The following NPC1 variants were observed in gnomAD, a reference collection of about 807,000 sequenced individuals.
NPC1 encodes the protein Niemann-Pick C1 protein.
A neutral mutation model predicts 140.4 loss-of-function variants in NPC1; 85 were observed. The observed-to-expected ratio is 0.61, with a 90% CI of 0.51 to 0.72. The LOEUF is 0.72. Ranked by LOEUF, NPC1 falls within the 30% of genes least tolerant of loss-of-function variation. The pLI, the probability that NPC1 is intolerant of heterozygous loss-of-function variation, is 0.00. For synonymous variants in NPC1, 656 were observed against 624.8 expected (o/e 1.05, Z -0.74); for missense variants, 1,504 against 1,623.8 (o/e 0.93, Z 1.27).
intron 3 of NPC1, among the ~76,000 whole-genome samples, chr18:23,512,418 T>G (rs949497786): frequency 1.3e-5 from 2 of 152,034 alleles, no homozygotes; most frequent in African/African-American, 2.4e-5. Context: ...CTCTTAAAAT[T>G]TTTTTATTTT....
Position 23,573,510 on chromosome 18 carries a change from T to C in NPC1, c.122A>G (p.Asn41Ser), listed in dbSNP as rs746658170. ...CGIAYGDKRY[N>S]CEYSGPPKPL... Reference sequence around the variant, plus strand: ...TTTTGGTGGGCCAGAATATTCGCAATTGTACCTCTTGTCCCCATATGCAAT... The same window carrying C: ...TTTTGGTGGGCCAGAATATTCGCAACTGTACCTCTTGTCCCCATATGCAAT... Residue 41 changes from asparagine to serine, a missense_variant, in exon 2 of 25, where the codon AAT becomes AGT. Physicochemically the swap from Asn to Ser is conservative, Grantham distance 46. Transcript: ENST00000269228. The C allele has an allele frequency of 6.2e-7, 1 of 1,614,190 alleles. No homozygotes were observed. The highest frequency in any genetic ancestry group is 8.5e-7 in the Non-Finnish European group (1 of 1,180,026).
At chr18:23,542,122 G>C (rs1325934075) in intron 14 of NPC1, among the ~76,000 whole-genome samples, 2 of 152,150 alleles carry the variant, frequency 1.3e-5, no homozygotes, top group African/African-American at 4.8e-5. Flanking sequence ...GACACGTGCA[G>C]TTGGGGTGCC....
In NPC1 at chr18:23,516,103, C is replaced by G; in HGVS notation, c.432-9461G>C. The G allele has an allele frequency of 2.6e-6, 4 of 1,519,796 alleles. No homozygotes were observed. In the South Asian group the frequency reaches 4.7e-5, roughly 18 times the overall value. The allele number at this position is 1,519,796 out of a possible 1,614,324, so 94.1% of individuals were successfully genotyped here. A position where few individuals can be genotyped will look rare whatever the true frequency, so the allele number is the denominator to read the frequency against. ...TAGGGACAGGTTCCTCTAGCCGTAA[C>G]GTCACCGCTCTGACCACTAGAGGGC... On this transcript the variant is annotated intron_variant, in intron 3 of 3. Transcript: ENST00000591107.
At chr18:23,582,836 C>A (rs935060813) in intron 1 of NPC1, among the ~76,000 whole-genome samples, 2 of 150,466 alleles carry the variant, frequency 1.3e-5, no homozygotes, top group Non-Finnish European at 3.0e-5. Flanking sequence ...CCAGGGCCAG[C>A]ACGGTGGCTC....
At chr18:23,514,515 C>T (rs1423090497) in intron 3 of NPC1, among the ~76,000 whole-genome samples, 1 of 151,952 alleles carries the variant, frequency 6.6e-6, no homozygotes, top group African/African-American at 2.4e-5. Context: ...CGAGATTGTG[C>T]CACTGCACTC....
At chr18:23,544,165 G>A (rs2058750658) in intron 13 of NPC1, among the ~76,000 whole-genome samples, 179 bp downstream of exon 13, 1 of 152,082 alleles carries the variant, frequency 6.6e-6, no homozygotes, top group African/African-American at 2.4e-5. Context: ...CAACCAAAAA[G>A]AGGGGTGAAA....
downstream of NPC1, among the ~76,000 whole-genome samples, chr18:23,525,081 G>A (rs202183137): frequency 5.3e-5 from 8 of 151,356 alleles, no homozygotes; most frequent in East Asian, 1.6e-3. Context: ...TGAATAGCTG[G>A]GATTACAGGC....
rs553812258 is a variant in NPC1, at chr18:23,577,585, G to A, written c.58-4011C>T. On this transcript the variant is annotated intron_variant, in intron 1 of 24. Coordinates refer to ENST00000269228, the MANE Select transcript of NPC1 (RefSeq NM_000271.5). Reference sequence around the variant, plus strand: ...GGCTTCACCTAGTGGATCCCGCACCGGGGCTGCAGGTGGAGCTGCCTGCCA... The same window carrying A: ...GGCTTCACCTAGTGGATCCCGCACCAGGGCTGCAGGTGGAGCTGCCTGCCA... Among the ~76,000 whole-genome samples the A allele has an allele frequency of 5.3e-4, 80 of 152,276 alleles. 1 individual carries two copies. In the South Asian group the frequency reaches 5.4e-3, roughly 10 times the overall value.
chr18:23,530,911 A>C (rs892557031), downstream of NPC1, among the ~76,000 whole-genome samples: 1 of 152,196 alleles, frequency 6.6e-6, no homozygotes, highest in Non-Finnish European at 1.5e-5. Context: ...AAAGCCAGGA[A>C]TAAGACGGCA....
chr18:23,528,999 C>T, downstream of NPC1: 1 of 955,892 alleles, frequency 1.0e-6, no homozygotes, highest in Non-Finnish European at 1.5e-6. Context: ...CCTGCCTCAG[C>T]CTCCTGAGTA....
At chr18:23,529,220 G>A (rs1303401410), downstream of NPC1, 1 of 1,613,906 alleles carries the variant, frequency 6.2e-7, no homozygotes, top group Admixed American at 1.7e-5. Context: ...CGCTCCTCAA[G>A]AGGCCGGTGC....
intron 1 of NPC1, chr18:23,523,982 T>G: frequency 1.2e-6 from 1 of 853,562 alleles, no homozygotes. Context: ...GTGCTTTCAG[T>G]GAGACGGAAC....
Position 23,541,423 on chromosome 18 carries a change from G to C in NPC1, c.2256C>G (p.Ser752=), listed in dbSNP as rs199641393. The change falls in exon 15 of 25, where the codon TCC becomes TCG. Residue 752 remains serine (S), a synonymous_variant. Coordinates refer to ENST00000269228, the MANE Select transcript of NPC1 (RefSeq NM_000271.5). Reference sequence around the variant, plus strand: ...AGAAGGTGTGCACGGCTGGCATCACGGACAATGCTCCTGTCGGGGAGAGAA... The same window carrying C: ...AGAAGGTGTGCACGGCTGGCATCACCGACAATGCTCCTGTCGGGGAGAGAA... ...ETVAFFLGAL[S]VMPAVHTFSL... 16 of 1,614,204 alleles carry C rather than the reference G, an allele frequency of 9.9e-6. No homozygotes were observed. The highest frequency in any genetic ancestry group is 1.4e-5 in the Non-Finnish European group (16 of 1,180,040).
Position 23,572,055 on chromosome 18 carries a change from T to C in NPC1, c.287+19A>G, listed in dbSNP as rs1555641868. 1.9e-6 allele frequency: 3 copies of C among 1,558,568 alleles called. No homozygotes were observed. Among genetic ancestry groups the C allele is most frequent in the South Asian group, 2.2e-5 (2 of 89,898 alleles). ...AAGTATCTACAGCCCAGTTGTTCTGTTTCCCCAGCAGAACCTACCTGGACA... is the reference window on the plus strand; with the variant it reads ...AAGTATCTACAGCCCAGTTGTTCTGCTTCCCCAGCAGAACCTACCTGGACA... On this transcript the variant is annotated intron_variant, in intron 3 of 24. Coordinates refer to ENST00000269228, the MANE Select transcript of NPC1 (RefSeq NM_000271.5).
At chr18:23,512,599 CTT>C (rs761104196) in intron 3 of NPC1, among the ~76,000 whole-genome samples, 7 of 141,836 alleles carry the variant, frequency 4.9e-5, no homozygotes, top group East Asian at 2.0e-4. Context: ...TTTTTTTTTC[CTT>C]TTTTTTTTTT....
At position 23,539,906 on chromosome 18, in the gene NPC1, A is replaced by C; in HGVS notation, c.2700T>G (p.Thr900=). 1 of 1,614,178 alleles carries C rather than the reference A, an allele frequency of 6.2e-7. No homozygotes were observed. The highest frequency in any genetic ancestry group is 1.1e-5 in the South Asian group (1 of 91,078). Residue 900 remains threonine (T), a synonymous_variant, in exon 18 of 25, where the codon ACT becomes ACG. Coordinates refer to ENST00000269228, the MANE Select transcript of NPC1 (RefSeq NM_000271.5). ...YFVLEEGHDY[T]SSKGQNMVCG... is the part of the protein sequence containing the mutation. ...ACACCATGTTCTGCCCCTTGGAAGA[A>C]GTGTAGTCGTGCCCTTCCTCCAGGA...
chr18:23,545,197 C>T, intron 11 of NPC1, 48 bp from the exon 12 acceptor site: 7 of 1,369,226 alleles, frequency 5.1e-6, no homozygotes, highest in Non-Finnish European at 7.3e-6. Context: ...TAACTGACAG[C>T]TAAGTAAGAA....
intron 17 of NPC1, 137 bp from the exon 18 acceptor site, chr18:23,540,138 A>T: frequency 1.3e-6 from 1 of 772,516 alleles, no homozygotes; most frequent in Non-Finnish European, 2.2e-6. Flanking sequence ...GATTCCTAAC[A>T]CCACCAGTCT....
downstream of NPC1, chr18:23,526,899 C>CTAT: frequency 8.4e-7 from 1 of 1,190,488 alleles, no homozygotes; most frequent in South Asian, 1.6e-5. Flanking sequence ...TGAGGGGTGG[C>CTAT]TATGTGACCC....
Sources: allele counts gnomAD v4.1 joint callset (sites outside exome capture counted in the v4.1 genomes callset), GRCh38; gene constraint gnomAD v4.1.1; transcripts MANE v1.5; gene names NCBI Gene and HGNC (gene_info 2026-07-23, HGNC 2026-07-21).